SLC25A40: variants seen among roughly 807,000 people sequenced by gnomAD.
The protein encoded by SLC25A40 is mitochondrial glutathione transporter SLC25A40.
Under a neutral mutation model 46.5 loss-of-function variants are expected in SLC25A40, and 41 were observed. That is an observed-to-expected ratio of 0.88 (90% CI 0.69 to 1.14). The LOEUF (loss-of-function observed/expected upper bound fraction) is 1.14, where lower values mean the gene tolerates loss of function less well. Among genes scored for constraint, SLC25A40 ranks in the 50% most tolerant of loss-of-function variants. The pLI, the probability that SLC25A40 is intolerant of heterozygous loss-of-function variation, is 0.00. For synonymous variants in SLC25A40, 126 were observed against 127.5 expected (o/e 0.99, Z 0.08); for missense variants, 386 against 393.6 (o/e 0.98, Z 0.16).
chr7:87,861,602 C>T (rs1192792406), intron 1 of SLC25A40, among the ~76,000 whole-genome samples: 1 of 151,914 alleles, frequency 6.6e-6, no homozygotes, highest in Non-Finnish European at 1.5e-5. Flanking sequence ...ATTTTAGTTC[C>T]TGAAACTTAT....
chr7:87,855,708 T>TG (rs1214841344), intron 4 of SLC25A40, among the ~76,000 whole-genome samples: 1 of 152,206 alleles, frequency 6.6e-6, no homozygotes, highest in Non-Finnish European at 1.5e-5. Context: ...TTCAACACAG[T>TG]GGCTTTATAT....
At chr7:87,865,061 C>T (rs1432768319) in intron 1 of SLC25A40, among the ~76,000 whole-genome samples, 3 of 151,316 alleles carry the variant, frequency 2.0e-5, no homozygotes, top group Non-Finnish European at 4.4e-5. Flanking sequence ...ATTGCAACCT[C>T]AAACTGCCAG....
Position 87,835,752 on chromosome 7 carries a change from G to T in SLC25A40, c.*497C>A, listed in dbSNP as rs911607999. On this transcript the variant is annotated 3_prime_UTR_variant, in exon 12 of 12. Coordinates refer to ENST00000341119, the MANE Select transcript of SLC25A40 (RefSeq NM_018843.4). ...GGGAACCTAATGCATTTGAATTAAA[G>T]GAAACAGGCAATATTTGGTCGATGT... is the stretch of plus-strand genomic sequence containing the variant. The T allele has an allele frequency of 6.6e-6, 1 of 151,884 alleles. No individual in the cohort carries two copies. The highest frequency in any genetic ancestry group is 1.5e-5 in the Non-Finnish European group (1 of 67,914). 9.4% of individuals were successfully genotyped at this position (151,884 alleles called of 1,614,324 possible).
At chr7:87,865,387 G>A (rs565470478) in intron 1 of SLC25A40, among the ~76,000 whole-genome samples, 88 of 152,160 alleles carry the variant, frequency 5.8e-4, no homozygotes, top group African/African-American at 2.0e-3. Flanking sequence ...TCAACAGGCC[G>A]CAGTAGCTAT....
chr7:87,864,816 G>A (rs1838762927), intron 1 of SLC25A40, among the ~76,000 whole-genome samples: 1 of 152,078 alleles, frequency 6.6e-6, no homozygotes, highest in African/African-American at 2.4e-5. Context: ...TTCTGTGTTA[G>A]TACTAATAAT....
intron 8 of SLC25A40, among the ~76,000 whole-genome samples, chr7:87,846,397 T>C (rs1838421355): frequency 6.6e-6 from 1 of 152,166 alleles, no homozygotes. Flanking sequence ...GCCACTAAAG[T>C]AGGCACATTC....
At chr7:87,860,475 C>G (rs773985053) in intron 2 of SLC25A40, 97 bp downstream of exon 2, 2 of 152,160 alleles carry the variant, frequency 1.3e-5, no homozygotes, top group Non-Finnish European at 2.9e-5. Context: ...CCGTACTCTA[C>G]AGTTCATATT....
intron 4 of SLC25A40, among the ~76,000 whole-genome samples, chr7:87,855,366 A>G (rs778381202): frequency 1.3e-5 from 2 of 152,206 alleles, no homozygotes; most frequent in Admixed American, 6.5e-5. Context: ...CTCAATGTAC[A>G]TAATGCTATG....
intron 11 of SLC25A40, 59 bp from the exon 12 acceptor site, chr7:87,836,420 ATAT>A (rs1838258919): frequency 2.7e-6 from 3 of 1,115,008 alleles, no homozygotes; most frequent in Non-Finnish European, 3.7e-6. Context: ...ATTTTTAAAA[ATAT>A]TATTTTTTGG....
chr7:87,850,758 G>C (rs1490387485), intron 5 of SLC25A40, among the ~76,000 whole-genome samples: 3 of 149,952 alleles, frequency 2.0e-5, no homozygotes, highest in Admixed American at 6.7e-5. Context: ...AACAGAGTGA[G>C]ACCCTGTCTC....
intron 5 of SLC25A40, among the ~76,000 whole-genome samples, 174 bp downstream of exon 5, chr7:87,854,030 T>C (rs891036335): frequency 3.3e-5 from 5 of 152,154 alleles, no homozygotes; most frequent in African/African-American, 1.2e-4. Flanking sequence ...TTACCTCCCC[T>C]TTTTTACACA....
At chr7:87,841,978 C>G (rs1250688511) in intron 9 of SLC25A40, 1 of 382,154 alleles carries the variant, frequency 2.6e-6, no homozygotes, top group African/African-American at 2.1e-5. Context: ...CAATTCCAAC[C>G]AAGCCTCTCT....
intron 7 of SLC25A40, among the ~76,000 whole-genome samples, 171 bp downstream of exon 7, chr7:87,847,682 A>G (rs1456489144): frequency 4.6e-5 from 7 of 152,230 alleles, no homozygotes; most frequent in African/African-American, 7.2e-5. Context: ...GGTAATCACC[A>G]TTCCATATGA....
chr7:87,847,740 G>T, intron 7 of SLC25A40, 113 bp downstream of exon 7: 2 of 1,046,664 alleles, frequency 1.9e-6, no homozygotes, highest in Non-Finnish European at 2.6e-6. Flanking sequence ...AAACTATAAT[G>T]CAAAATATAT....
chr7:87,861,418 TGA>T (rs1321028172), intron 1 of SLC25A40, among the ~76,000 whole-genome samples: 1 of 152,206 alleles, frequency 6.6e-6, no homozygotes, highest in Non-Finnish European at 1.5e-5. Context: ...AGTATTTTTT[TGA>T]GAGATTCATT....
At chr7:87,848,536 C>T (rs917525614) in intron 6 of SLC25A40, among the ~76,000 whole-genome samples, 1 of 152,132 alleles carries the variant, frequency 6.6e-6, no homozygotes, top group Non-Finnish European at 1.5e-5. Flanking sequence ...TCAGAATCAG[C>T]GAAATAAAAA....
chr7:87,836,306 T>C lies in SLC25A40; in HGVS notation c.960A>G (p.Thr320=), dbSNP rs778604953. The C allele has an allele frequency of 5.1e-5, 81 of 1,581,208 alleles. No individual in the cohort carries two copies. Among genetic ancestry groups the C allele is most frequent in the Non-Finnish European group, 6.3e-5 (74 of 1,167,228 alleles). ...GGAAAAAAGCCTTTCCAAATTCATA[T>C]GTACTGATCATAATGGCACAAGCAG... ...IAPACAIMIS[T]YEFGKAFFQK... Residue 320 remains threonine, a synonymous_variant, in exon 12 of 12, where the codon ACA becomes ACG. Coordinates refer to ENST00000341119, the MANE Select transcript of SLC25A40 (RefSeq NM_018843.4).
At chr7:87,855,213 G>A (rs1405638013) in intron 4 of SLC25A40, among the ~76,000 whole-genome samples, 1 of 151,422 alleles carries the variant, frequency 6.6e-6, no homozygotes, top group Non-Finnish European at 1.5e-5. Flanking sequence ...AGTTATCTGA[G>A]GGAATGAAGA....
chr7:87,836,392 A>G, intron 11 of SLC25A40, 31 bp from the exon 12 acceptor site: 3 of 1,345,174 alleles, frequency 2.2e-6, no homozygotes, highest in Admixed American at 2.7e-5. Flanking sequence ...ATCAAAACAA[A>G]TATTTTTTTC....
Sources: allele counts gnomAD v4.1 joint callset (sites outside exome capture counted in the v4.1 genomes callset), GRCh38; gene constraint gnomAD v4.1.1; transcripts MANE v1.5; gene names NCBI Gene and HGNC (gene_info 2026-07-23, HGNC 2026-07-21).